The following OXR1 variants were observed in gnomAD, a reference collection of about 807,000 sequenced individuals.
OXR1 encodes the protein oxidation resistance protein 1.
A neutral mutation model predicts 104.6 loss-of-function variants in OXR1; 41 were observed. The observed-to-expected ratio is 0.39, with a 90% confidence interval of 0.31 to 0.51. The LOEUF (loss-of-function observed/expected upper bound fraction) is 0.51. Ranked by LOEUF, OXR1 falls within the 20% of genes least tolerant of loss-of-function variation. The pLI, the probability that OXR1 is intolerant of heterozygous loss-of-function variation, is 0.77. For synonymous variants in OXR1, 348 were observed against 348.4 expected, an observed-to-expected ratio of 1.00 and a Z score of 0.01; for missense variants, 955 against 1,031.9, an observed-to-expected ratio of 0.93 and a Z score of 1.02.
intron 1 of OXR1, among the ~76,000 whole-genome samples, chr8:106,339,513 AAAAAAAATAT>A (rs1563725922): frequency 7.9e-5 from 3 of 38,172 alleles, no homozygotes; most frequent in Non-Finnish European, 1.3e-4. Flanking sequence ...AAAAAAAAAA[AAAAAAAATAT>A]ATATATATAT....
chr8:106,481,402 AG>A (rs1409761147), intron 2 of OXR1, among the ~76,000 whole-genome samples: 1 of 152,048 alleles, frequency 6.6e-6, no homozygotes, highest in Non-Finnish European at 1.5e-5. Flanking sequence ...CAGATACAGA[AG>A]GCTTTTCAAT....
At chr8:106,308,854 A>G (rs1381605671) in intron 1 of OXR1, among the ~76,000 whole-genome samples, 1 of 152,200 alleles carries the variant, frequency 6.6e-6, no homozygotes, top group Non-Finnish European at 1.5e-5. Context: ...TTATCCTTAT[A>G]TTTTATAAAT....
chr8:106,382,830 C>T (rs1010735329), intron 2 of OXR1, among the ~76,000 whole-genome samples: 1 of 151,496 alleles, frequency 6.6e-6, no homozygotes, highest in Admixed American at 6.6e-5. Flanking sequence ...GTAATCACAA[C>T]ATTATATATG....
chr8:106,557,904 A>G (rs1816402877), intron 3 of OXR1, among the ~76,000 whole-genome samples: 1 of 152,256 alleles, frequency 6.6e-6, no homozygotes, highest in Admixed American at 6.5e-5. Context: ...GGAAAAATCA[A>G]TAAGTGATAA....
intron 11 of OXR1, among the ~76,000 whole-genome samples, chr8:106,720,094 C>T (rs1413191739): frequency 6.6e-6 from 1 of 152,224 alleles, no homozygotes; most frequent in Non-Finnish European, 1.5e-5. Context: ...GCGTGAGCCA[C>T]CGTGTCTGGC....
chr8:106,704,553 A>T (rs1830953823), intron 8 of OXR1, among the ~76,000 whole-genome samples: 1 of 150,762 alleles, frequency 6.6e-6, no homozygotes, highest in South Asian at 2.1e-4. Flanking sequence ...ACCTGCCACC[A>T]CATCTGGCTA....
At chr8:106,682,700 A>G (rs1828297763) in intron 4 of OXR1, among the ~76,000 whole-genome samples, 4 of 152,148 alleles carry the variant, frequency 2.6e-5, no homozygotes, top group Admixed American at 2.6e-4. Flanking sequence ...ATGATCATGG[A>G]AACGTACGAA....
intron 3 of OXR1, among the ~76,000 whole-genome samples, chr8:106,618,878 C>G (rs1249183865): frequency 6.6e-6 from 1 of 150,838 alleles, no homozygotes; most frequent in Non-Finnish European, 1.5e-5. Flanking sequence ...TTTTTTTTGC[C>G]TTTTTTCTTT....
At chr8:106,349,753 A>T (rs1815645556) in intron 1 of OXR1, among the ~76,000 whole-genome samples, 1 of 152,164 alleles carries the variant, frequency 6.6e-6, no homozygotes, top group Non-Finnish European at 1.5e-5. Flanking sequence ...TTACCCAAAG[A>T]GAGAGGGAAA....
chr8:106,591,351 G>C (rs1459930155), intron 3 of OXR1, among the ~76,000 whole-genome samples: 5 of 147,350 alleles, frequency 3.4e-5, no homozygotes, highest in East Asian at 4.2e-4. Context: ...GCTAAATGAC[G>C]AGTTAATGGG....
At chr8:106,570,043 A>T (rs1817361776) in intron 3 of OXR1, among the ~76,000 whole-genome samples, 1 of 152,166 alleles carries the variant, frequency 6.6e-6, no homozygotes, top group African/African-American at 2.4e-5. Flanking sequence ...TGTCATGGTG[A>T]AGCTTTGATG....
In OXR1 at chr8:106,270,199, C is replaced by T. The variant is rs887329336; in HGVS notation, c.-307C>T. The T allele has an allele frequency of 2.0e-5, 3 of 152,232 alleles. No homozygotes were observed. Among genetic ancestry groups the T allele is most frequent in the African/African-American group, 7.2e-5 (3 of 41,458 alleles). 9.4% of individuals were successfully genotyped at this position (152,232 alleles called of 1,614,324 possible). A position where few individuals can be genotyped will look rare whatever the true frequency, so the allele number is the denominator to read the frequency against. ...GAGCATGTCTGCAAGCGCTCAGCGG[C>T]GCCGGCAGCAGCGGGGCTAGAGCTG... is the stretch of plus-strand genomic sequence containing the variant. On this transcript the variant is annotated 5_prime_UTR_variant, in exon 1 of 17. Transcript: ENST00000517566.
chr8:106,742,173 G>A, intron 14 of OXR1, 49 bp from the exon 15 acceptor site: 1 of 1,000,688 alleles, frequency 1.0e-6, no homozygotes, highest in South Asian at 1.3e-5. Context: ...AATGCTTACT[G>A]GAATAAATTT....
chr8:106,643,797 G>A (rs570154895), intron 3 of OXR1, among the ~76,000 whole-genome samples: 14 of 152,046 alleles, frequency 9.2e-5, no homozygotes, highest in Admixed American at 2.6e-4. Context: ...GACCTCTCTC[G>A]GCCTTGATGA....
At chr8:106,391,909 C>A (rs1364358017) in intron 2 of OXR1, among the ~76,000 whole-genome samples, 1 of 152,148 alleles carries the variant, frequency 6.6e-6, no homozygotes, top group Non-Finnish European at 1.5e-5. Context: ...TCACACCATA[C>A]CCTGGCACTG....
At chr8:106,626,318 T>C (rs1822157746) in intron 3 of OXR1, among the ~76,000 whole-genome samples, 1 of 151,640 alleles carries the variant, frequency 6.6e-6, no homozygotes, top group South Asian at 2.1e-4. Context: ...GAAGGTTATC[T>C]TTAAAATTCA....
intron 1 of OXR1, among the ~76,000 whole-genome samples, chr8:106,284,823 C>T (rs1812427548): frequency 6.6e-6 from 1 of 151,738 alleles, no homozygotes; most frequent in Non-Finnish European, 1.5e-5. Flanking sequence ...AAAAAAAAGG[C>T]TGTTAAAATT....
In OXR1 at chr8:106,381,941, C is replaced by T. The variant is rs369725640; in HGVS notation, c.23+22305C>T. Among the ~76,000 whole-genome samples the T allele has an allele frequency of 1.7e-4, 26 of 152,212 alleles. No homozygotes were observed. In the East Asian group the frequency reaches 1.7e-3, roughly 10 times the overall value. ...TGGTTACAAACATTAATCACTTAGC[C>T]GAAGCAAATTTAATTAAACAATAGT... On this transcript the variant is annotated intron_variant, in intron 2 of 16. Coordinates refer to ENST00000517566, the MANE Select transcript of OXR1 (RefSeq NM_001198533.2).
intron 3 of OXR1, among the ~76,000 whole-genome samples, chr8:106,568,342 C>T (rs1015961670): frequency 2.0e-5 from 3 of 152,100 alleles, no homozygotes; most frequent in African/African-American, 7.2e-5. Context: ...TTATCAAGTC[C>T]TCAATAAGCT....
Sources: allele counts gnomAD v4.1 joint callset (sites outside exome capture counted in the v4.1 genomes callset), GRCh38; gene constraint gnomAD v4.1.1; transcripts MANE v1.5; gene names NCBI Gene and HGNC (gene_info 2026-07-23, HGNC 2026-07-21).